Variants in VDR observed in about 807,000 individuals in gnomAD.
VDR encodes vitamin D3 receptor.
VDR carries 19 observed loss-of-function variants against 39.7 expected under a neutral mutation model. That is an observed-to-expected ratio of 0.48 (90% confidence interval 0.33 to 0.70). The LOEUF (loss-of-function observed/expected upper bound fraction) is 0.70. Ranked by LOEUF, VDR falls within the 30% of genes least tolerant of loss-of-function variation. VDR has a pLI of 0.02. For missense variants in VDR, 442 were observed against 570.5 expected, an observed-to-expected ratio of 0.77 and a Z score of 2.29; for synonymous variants, 242 against 215.8, an observed-to-expected ratio of 1.12 and a Z score of -1.07.
chr12:47,860,422 G>A (rs190448824), intron 4 of VDR, among the ~76,000 whole-genome samples: 35 of 152,328 alleles, frequency 2.3e-4, no homozygotes, highest in African/African-American at 7.2e-4. Flanking sequence ...GGAAAGGCTA[G>A]TGAGTACTCT....
At chr12:47,904,462 TAA>T (rs17886628) in intron 1 of VDR, 36,939 of 351,590 alleles carry the variant, frequency 0.11, 32 homozygotes, top group Middle Eastern at 0.12. Flanking sequence ...CAAAGAAAAG[TAA>T]AAAAAAAAAA....
In VDR at chr12:47,857,168, A is replaced by G; in HGVS notation, c.544T>C (p.Ser182Pro). The G allele has an allele frequency of 6.2e-7, 1 of 1,614,150 alleles. No homozygotes were observed. The highest frequency in any genetic ancestry group is 8.5e-7 in the Non-Finnish European group (1 of 1,180,008). The change falls in exon 6 of 10, where the codon TCC (serine) becomes CCC (proline). Residue 182 changes from serine to proline, a missense_variant. By Grantham distance (74) the Ser-to-Pro change is moderately conservative. Around this residue, in one of 5 missense-constraint regions of VDR, gnomAD observed 77 missense variants for 67.4 expected, o/e 1.14. Transcript: ENST00000549336. ...CAGTGATCTGAGCAGGAGGAGGAGG[A>G]GTCCCCAGAGAAGCTGGGAGTGTGT... is the stretch of plus-strand genomic sequence containing the variant. ...SRHTPSFSGD[S>P]SSSCSDHCIT...
chr12:47,882,796 C>T, intron 1 of VDR, 22 bp from the exon 2 acceptor site: 2 of 1,531,492 alleles, frequency 1.3e-6, no homozygotes, highest in Middle Eastern at 1.7e-4. Context: ...AAGGGGAAAC[C>T]TTTTATCTAA....
At chr12:47,895,762 A>AT (rs888572588) in intron 1 of VDR, among the ~76,000 whole-genome samples, 4 of 152,226 alleles carry the variant, frequency 2.6e-5, no homozygotes, top group African/African-American at 9.6e-5. Context: ...AAGAGTTTAC[A>AT]TTTTTGAAAA....
intron 1 of VDR, chr12:47,899,856 G>A (rs944879544): frequency 4.2e-6 from 4 of 957,996 alleles, no homozygotes; most frequent in Admixed American, 1.2e-4. Flanking sequence ...AAGCTATGAG[G>A]ATTGAGGGAG....
intron 1 of VDR, among the ~76,000 whole-genome samples, chr12:47,890,888 CA>C (rs779201281): frequency 8.6e-5 from 13 of 152,034 alleles, no homozygotes; most frequent in Non-Finnish European, 1.8e-4. Flanking sequence ...GAGGGAGGGG[CA>C]GAGGGACGCG....
intron 1 of VDR, chr12:47,901,227 C>T (rs145904612): frequency 1.4e-4 from 22 of 155,404 alleles, no homozygotes; most frequent in Middle Eastern, 5.2e-4. Flanking sequence ...ACATGGTCAT[C>T]GTGGCGGCTC....
intron 3 of VDR, among the ~76,000 whole-genome samples, chr12:47,873,383 G>T (rs1218782537): frequency 4.4e-5 from 2 of 45,378 alleles, no homozygotes; most frequent in African/African-American, 8.1e-5. Flanking sequence ...TTTTTTTTGA[G>T]ACGGAGTCTC....
At chr12:47,853,134 G>C (rs571967044) in intron 7 of VDR, among the ~76,000 whole-genome samples, 5 of 152,162 alleles carry the variant, frequency 3.3e-5, no homozygotes, top group Non-Finnish European at 7.3e-5. Context: ...TCTATTAAAT[G>C]TGTCAATACT....
chr12:47,864,827 C>A (rs149949422), intron 4 of VDR, among the ~76,000 whole-genome samples: 2 of 152,378 alleles, frequency 1.3e-5, no homozygotes, highest in African/African-American at 4.8e-5. Flanking sequence ...CACCAACACA[C>A]AGATCCTCAA....
At chr12:47,848,384 C>T (rs2137126302) in intron 7 of VDR, among the ~76,000 whole-genome samples, 1 of 151,794 alleles carries the variant, frequency 6.6e-6, no homozygotes, top group East Asian at 2.0e-4. Flanking sequence ...CCTTCTAATT[C>T]TCCATTTTGT....
chr12:47,849,820 G>T (rs991902065), intron 7 of VDR, among the ~76,000 whole-genome samples: 4 of 151,764 alleles, frequency 2.6e-5, no homozygotes, highest in African/African-American at 9.7e-5. Context: ...ACATTTTGGC[G>T]TATTTTCTTC....
intron 1 of VDR, among the ~76,000 whole-genome samples, chr12:47,885,392 A>G (rs897602734): frequency 1.3e-5 from 2 of 152,250 alleles, no homozygotes; most frequent in African/African-American, 4.8e-5. Context: ...TCTGCCTGTC[A>G]GCCCACACCA....
At chr12:47,881,115 T>C (rs945301424) in intron 2 of VDR, among the ~76,000 whole-genome samples, 1 of 120,076 alleles carries the variant, frequency 8.3e-6, no homozygotes, top group African/African-American at 2.6e-5. Context: ...TATATATATA[T>C]ATATACACAC....
At chr12:47,903,171 G>GT (rs1946599651) in intron 1 of VDR, among the ~76,000 whole-genome samples, 1 of 152,100 alleles carries the variant, frequency 6.6e-6, no homozygotes, top group Non-Finnish European at 1.5e-5. Context: ...CCATTTTCTA[G>GT]TCCCTCCTTT....
At chr12:47,877,971 GT>G (rs1387986428) in intron 3 of VDR, among the ~76,000 whole-genome samples, 1 of 152,204 alleles carries the variant, frequency 6.6e-6, no homozygotes, top group Non-Finnish European at 1.5e-5. Flanking sequence ...AGGAGCTTGT[GT>G]TGACAGAGAG....
intron 3 of VDR, among the ~76,000 whole-genome samples, chr12:47,873,456 G>T (rs370378354): frequency 1.6e-3 from 222 of 143,136 alleles, no homozygotes; most frequent in Middle Eastern, 0.011. Flanking sequence ...CGCCCCCTGG[G>T]GTTCACGCCA....
chr12:47,872,241 A>G (rs568281515), intron 3 of VDR, among the ~76,000 whole-genome samples: 2 of 152,310 alleles, frequency 1.3e-5, no homozygotes, highest in South Asian at 2.1e-4. Context: ...ATTAGTTTCC[A>G]CATCTGTAAA....
chr12:47,869,312 G>A (rs913623079), intron 3 of VDR, among the ~76,000 whole-genome samples: 2 of 151,626 alleles, frequency 1.3e-5, no homozygotes, highest in Non-Finnish European at 2.9e-5. Flanking sequence ...CGAGACAGGC[G>A]GATCGCGAGG....
Sources: allele counts gnomAD v4.1 joint callset (sites outside exome capture counted in the v4.1 genomes callset), GRCh38; gene constraint gnomAD v4.1.1; regional missense constraint gnomAD v4.1.1; transcripts MANE v1.5; gene names NCBI Gene and HGNC (gene_info 2026-07-23, HGNC 2026-07-21).